Variants in ITGA9 observed in about 807,000 individuals in gnomAD.
ITGA9 encodes integrin subunit alpha 9, also known as integrin alpha-9.
In ITGA9, 56 loss-of-function variants were observed where a neutral mutation model predicts 127.8. The ratio of observed to expected loss-of-function variants is 0.44; its 90% CI spans 0.35 to 0.55. ITGA9 has a LOEUF of 0.55. ITGA9 is among the 20% of genes least tolerant of loss of function. The probability of loss-of-function intolerance (pLI) is 0.00; values close to 1 mark genes in which losing one functional copy is unlikely to be tolerated. For synonymous variants in ITGA9, 508 were observed against 514.5 expected, an observed-to-expected ratio of 0.99 and a Z score of 0.17; for missense variants, 1,196 against 1,347.1, an observed-to-expected ratio of 0.89 and a Z score of 1.76.
At chr3:37,571,538 G>T (rs889040930) in intron 15 of ITGA9, among the ~76,000 whole-genome samples, 1 of 152,164 alleles carries the variant, frequency 6.6e-6, no homozygotes, top group Non-Finnish European at 1.5e-5. Flanking sequence ...TTAAACTTTT[G>T]CAGGGATCAG....
chr3:37,572,330 A>G (rs9790240), intron 15 of ITGA9, among the ~76,000 whole-genome samples: 10,829 of 152,198 alleles, frequency 0.071, 513 homozygotes, highest in East Asian at 0.19. Context: ...ACTGAATGGG[A>G]GTTCACATTT....
chr3:37,614,982 G>A (rs1700059874), intron 15 of ITGA9, among the ~76,000 whole-genome samples: 1 of 152,094 alleles, frequency 6.6e-6, no homozygotes, highest in African/African-American at 2.4e-5. Context: ...GATTGCCCTG[G>A]CCAGAACTTC....
At chr3:37,621,234 C>T (rs1700125824) in intron 15 of ITGA9, among the ~76,000 whole-genome samples, 1 of 152,160 alleles carries the variant, frequency 6.6e-6, no homozygotes, top group Non-Finnish European at 1.5e-5. Flanking sequence ...GTTGTGAGGC[C>T]TCCCCAGCCA....
rs1484279491 is a variant in ITGA9, at chr3:37,473,393, A to C, written c.353A>C (p.Glu118Ala). 1 of 1,614,110 alleles carries C rather than the reference A, an allele frequency of 6.2e-7. No homozygotes were observed. The highest frequency in any genetic ancestry group is 8.5e-7 in the Non-Finnish European group (1 of 1,180,022). Reference protein sequence around the residue: ...RGTSCGKTCREDRDDEWMGVS... With the variant: ...RGTSCGKTCRADRDDEWMGVS... The stretch of plus-strand genomic sequence containing the variant: ...ACGTCCTGCGGAAAGACCTGCCGGG[A>C]AGACCGCGATGATGAGTGGATGGGG... Residue 118 changes from glutamate to alanine, a missense_variant, in exon 3 of 28, where the codon GAA (glutamate) becomes GCA (alanine). Physicochemically the swap from Glu to Ala is moderately radical, Grantham distance 107. Coordinates refer to ENST00000264741, the MANE Select transcript of ITGA9 (RefSeq NM_002207.3).
At chr3:37,665,992 A>G (rs1002121377) in intron 17 of ITGA9, among the ~76,000 whole-genome samples, 42 of 152,182 alleles carry the variant, frequency 2.8e-4, no homozygotes, top group African/African-American at 6.5e-4. Flanking sequence ...AGGTGACACA[A>G]TGCTACGGTG....
At chr3:37,461,042 G>A (rs551555753) in intron 1 of ITGA9, among the ~76,000 whole-genome samples, 4 of 152,258 alleles carry the variant, frequency 2.6e-5, no homozygotes, top group African/African-American at 7.2e-5. Context: ...GGATCCCAGA[G>A]TAAACTTGGT....
In ITGA9 at chr3:37,492,887, C is replaced by T. The variant is rs1183614416; in HGVS notation, c.545-1614C>T. ...CTTTTTGCCGTTGTGCTATTTGATG[C>T]AGGATTTATTATTAATTTGTATTAT... On this transcript the variant is annotated intron_variant, in intron 4 of 27. Transcript: ENST00000264741. 2.0e-5 allele frequency among the ~76,000 whole-genome samples: 3 copies of T among 152,120 alleles called. No homozygotes were observed. The East Asian group carries it at 5.8e-4, about 29-fold the overall frequency.
intron 26 of ITGA9, chr3:37,790,349 G>A: frequency 1.9e-6 from 1 of 524,268 alleles, no homozygotes; most frequent in Non-Finnish European, 3.9e-6. Context: ...GTAGAGGGGT[G>A]CCTGGGAGCA....
chr3:37,639,757 C>T lies in ITGA9; in HGVS notation c.1839+10421C>T, dbSNP rs1045369761. On this transcript the variant is annotated intron_variant, in intron 16 of 27. Coordinates refer to ENST00000264741, the MANE Select transcript of ITGA9 (RefSeq NM_002207.3). The stretch of plus-strand genomic sequence containing the variant: ...CTTTGCAGGTGAGTCCCTGGGGAGT[C>T]TGTGTGATACCCCCCAGAGAGTTGA... 2.6e-5 allele frequency among the ~76,000 whole-genome samples: 4 copies of T among 152,046 alleles called. No homozygotes were observed. The East Asian group carries it at 7.7e-4, about 29-fold the overall frequency.
chr3:37,735,248 C>T (rs1696345587), intron 19 of ITGA9, among the ~76,000 whole-genome samples: 1 of 152,164 alleles, frequency 6.6e-6, no homozygotes, highest in Admixed American at 6.5e-5. Context: ...TTCAGATCTC[C>T]TCCCAGTGCT....
At chr3:37,659,138 T>C (rs904136558) in intron 17 of ITGA9, among the ~76,000 whole-genome samples, 1 of 152,174 alleles carries the variant, frequency 6.6e-6, no homozygotes, top group Non-Finnish European at 1.5e-5. Context: ...CCTTGGTGAA[T>C]CTGATGATTA....
intron 20 of ITGA9, among the ~76,000 whole-genome samples, chr3:37,741,470 T>G (rs573250140): frequency 9.8e-5 from 15 of 152,314 alleles, no homozygotes; most frequent in African/African-American, 3.6e-4. Context: ...CTCTCCCTTC[T>G]CCACTCTCCA....
At chr3:37,645,522 C>T (rs1051645417) in intron 16 of ITGA9, among the ~76,000 whole-genome samples, 5 of 152,140 alleles carry the variant, frequency 3.3e-5, no homozygotes, top group African/African-American at 9.7e-5. Flanking sequence ...CAAGATCGTG[C>T]CACTGCACTC....
chr3:37,616,193 TC>T (rs1700072827), intron 15 of ITGA9, among the ~76,000 whole-genome samples: 1 of 152,226 alleles, frequency 6.6e-6, no homozygotes, highest in Non-Finnish European at 1.5e-5. Context: ...TCAAAGAACA[TC>T]TTTATTTCTG....
rs1435763407 is a variant in ITGA9 at position 37,806,808 on chromosome 3, T to C, written c.3009+2866T>C. On this transcript the variant is annotated intron_variant, in intron 27 of 27. Coordinates refer to ENST00000264741, the MANE Select transcript of ITGA9 (RefSeq NM_002207.3). The surrounding 1 kb of genome is among the most constrained non-coding windows in gnomAD (Gnocchi z 4.3). ...GAGGAGGCTGTTGAATGAGGCCACC[T>C]GGGTCACAACAGCTTTGCTAGTCAA... The C allele has an allele frequency of 6.6e-6, 1 of 152,278 alleles. No homozygotes were observed. Among genetic ancestry groups the C allele is most frequent in the Admixed American group, 6.5e-5 (1 of 15,288 alleles). The allele number at this position is 152,278 out of a possible 1,614,324, so 9.4% of individuals were successfully genotyped here.
intron 15 of ITGA9, among the ~76,000 whole-genome samples, chr3:37,619,536 A>G (rs556966579): frequency 6.6e-6 from 1 of 152,316 alleles, no homozygotes; most frequent in East Asian, 1.9e-4. Flanking sequence ...CCCAGCAGCA[A>G]GGGGGATGGG....
chr3:37,725,399 T>C (rs1696172680), intron 18 of ITGA9, among the ~76,000 whole-genome samples: 1 of 152,228 alleles, frequency 6.6e-6, no homozygotes, highest in Admixed American at 6.5e-5. Flanking sequence ...CTGTAATTCA[T>C]ATGCTGTTCA....
chr3:37,759,596 T>A (rs892290437), intron 23 of ITGA9, among the ~76,000 whole-genome samples: 2 of 152,122 alleles, frequency 1.3e-5, no homozygotes, highest in African/African-American at 4.8e-5. Context: ...CAAGGGGAAA[T>A]TCTGGAATTG....
At position 37,513,949 on chromosome 3, in the gene ITGA9, T is replaced by C. The variant is rs779461985; in HGVS notation, c.1035+49T>C. ...GCGGATGGGTGTGGGGGAGGGACAT[T>C]TGTCCAGCCAGCAGTGGCCGAGCAC... On this transcript the variant is annotated intron_variant, in intron 9 of 27. Coordinates refer to ENST00000264741, the MANE Select transcript of ITGA9 (RefSeq NM_002207.3). 4.3e-6 allele frequency: 7 copies of C among 1,610,610 alleles called. No individual in the cohort carries two copies. In the Admixed American group the frequency reaches 1.2e-4, roughly 27 times the overall value.
Sources: allele counts gnomAD v4.1 joint callset (sites outside exome capture counted in the v4.1 genomes callset), GRCh38; gene constraint gnomAD v4.1.1; non-coding constraint Gnocchi (gnomAD v3.1); transcripts MANE v1.5; gene names NCBI Gene and HGNC (gene_info 2026-07-23, HGNC 2026-07-21).